JPH3: variants seen among roughly 807,000 people sequenced by gnomAD.
The protein encoded by JPH3 is junctophilin-3.
JPH3 carries 11 observed loss-of-function variants against 59.6 expected under a neutral mutation model. The observed-to-expected ratio is 0.18, with a 90% confidence interval of 0.12 to 0.31. The LOEUF (loss-of-function observed/expected upper bound fraction) is 0.31. Ranked by LOEUF, JPH3 falls within the 10% of genes least tolerant of loss-of-function variation. The pLI, the probability that JPH3 is intolerant of heterozygous loss-of-function variation, is 1.00. For synonymous variants in JPH3, 673 were observed against 483.6 expected (o/e 1.39, Z -5.14); for missense variants, 1,202 against 1,105.7 (o/e 1.09, Z -1.24).
In JPH3 at chr16:87,612,501, G is replaced by C. The variant is rs73251235; in HGVS notation, c.382+8973G>C. ...GTGATTCTAACGTTCAGCGCAGGTT[G>C]AGGACCACTCATCTGGAGCGTCTGT... On this transcript the variant is annotated intron_variant, in intron 1 of 4. Coordinates refer to ENST00000284262, the MANE Select transcript of JPH3 (RefSeq NM_020655.4). Among the ~76,000 whole-genome samples the C allele has an allele frequency of 1.9e-3, 290 of 152,300 alleles. 1 individual carries two copies. The highest frequency in any genetic ancestry group is 6.6e-3 in the African/African-American group (276 of 41,560).
At chr16:87,628,978 G>T (rs2031474119) in intron 1 of JPH3, among the ~76,000 whole-genome samples, 1 of 152,160 alleles carries the variant, frequency 6.6e-6, no homozygotes, top group African/African-American at 2.4e-5. Context: ...TACTGGGTGT[G>T]GGGCTTCCTC....
In JPH3 at chr16:87,644,959, A is replaced by G. The variant is rs1331391862; in HGVS notation, c.1084A>G (p.Lys362Glu). The change falls in exon 2 of 5, where the codon AAG becomes GAG. Residue 362 changes from lysine to glutamate, a missense_variant. Physicochemically the swap from Lys to Glu is moderately conservative, Grantham distance 56. Coordinates refer to ENST00000284262, the MANE Select transcript of JPH3 (RefSeq NM_020655.4). ...CCTGCGGGCCAGCAAGATCCGCGAGAAGGTGGACCGCGCCGTTGAGGCCGC... is the reference window on the plus strand; with the variant it reads ...CCTGCGGGCCAGCAAGATCCGCGAGGAGGTGGACCGCGCCGTTGAGGCCGC... ...IPLRASKIRE[K>E]VDRAVEAAER... 6.2e-7 allele frequency: 1 copy of G among 1,611,432 alleles called. No homozygotes were observed. Among genetic ancestry groups the G allele is most frequent in the Admixed American group, 1.7e-5 (1 of 60,014 alleles).
intron 1 of JPH3, among the ~76,000 whole-genome samples, chr16:87,608,894 C>T (rs908084451): frequency 7.9e-5 from 12 of 152,300 alleles, no homozygotes; most frequent in African/African-American, 2.6e-4. Flanking sequence ...AAAAATTAGC[C>T]AGGTGTGGTG....
intron 2 of JPH3, among the ~76,000 whole-genome samples, chr16:87,655,978 GACTGCTGGGAGTGGGGC>G (rs1483629105): frequency 4.6e-5 from 7 of 152,248 alleles, no homozygotes; most frequent in Non-Finnish European, 8.8e-5. Flanking sequence ...TCCTGAGTGG[GACTGCTGGGAGTGGGGC>G]ACTGCTGCGT....
chr16:87,685,722 C>T (rs1017761576), intron 3 of JPH3, among the ~76,000 whole-genome samples: 6 of 152,354 alleles, frequency 3.9e-5, no homozygotes, highest in South Asian at 2.1e-4. Flanking sequence ...GGCCCATGGT[C>T]GCCTCAGCTC....
intron 2 of JPH3, among the ~76,000 whole-genome samples, chr16:87,648,281 C>T (rs1414028119): frequency 2.0e-5 from 3 of 152,136 alleles, no homozygotes; most frequent in Non-Finnish European, 1.5e-5. Flanking sequence ...GAGTCTGCCG[C>T]CCTGGAGAGT....
At chr16:87,625,077 G>A (rs1265284258) in intron 1 of JPH3, among the ~76,000 whole-genome samples, 2 of 152,224 alleles carry the variant, frequency 1.3e-5, no homozygotes, top group African/African-American at 4.8e-5. Flanking sequence ...GGGATTACAG[G>A]CGTGAGCTGC....
At chr16:87,696,128 C>G (rs1168931203) in intron 4 of JPH3, 1 of 458,336 alleles carries the variant, frequency 2.2e-6, no homozygotes, top group East Asian at 6.9e-5. Context: ...CAGGGCCTCT[C>G]TGCTGGGCTG....
chr16:87,622,074 G>A (rs942018654), intron 1 of JPH3, among the ~76,000 whole-genome samples: 3 of 150,728 alleles, frequency 2.0e-5, no homozygotes, highest in African/African-American at 4.9e-5. Flanking sequence ...GAAGAACGAC[G>A]CAGCCTGGCA....
chr16:87,662,185 G>A (rs892185490), intron 2 of JPH3, among the ~76,000 whole-genome samples: 1 of 152,188 alleles, frequency 6.6e-6, no homozygotes, highest in South Asian at 2.1e-4. Context: ...CGGTCCCAGA[G>A]CCTGGGCTCT....
intron 2 of JPH3, among the ~76,000 whole-genome samples, chr16:87,677,216 ACACACACAC>A (rs1567610754): frequency 2.5e-5 from 3 of 119,226 alleles, no homozygotes; most frequent in Non-Finnish European, 5.0e-5. Context: ...ACACACACAC[ACACACACAC>A]AAAAAAAAAA....
intron 1 of JPH3, among the ~76,000 whole-genome samples, chr16:87,618,143 G>A (rs1003642412): frequency 5.3e-5 from 8 of 152,186 alleles, no homozygotes; most frequent in African/African-American, 9.6e-5. Context: ...TAGCCTGGGC[G>A]ACATAATGAG....
At chr16:87,660,560 C>G (rs939344440) in intron 2 of JPH3, among the ~76,000 whole-genome samples, 2 of 152,194 alleles carry the variant, frequency 1.3e-5, no homozygotes, top group Admixed American at 6.5e-5. Flanking sequence ...GACCAGTACA[C>G]CAGGGTCTGG....
rs2033888148 is a variant in JPH3 at position 87,696,925 on chromosome 16, G to A, written c.*265G>A. ...AGGAGGCCAGCACGCAGCCCCTCCA[G>A]CTCCACGTGGAGACAGAAGGGATCC... On this transcript the variant is annotated 3_prime_UTR_variant, in exon 5 of 5. Coordinates refer to ENST00000284262, the MANE Select transcript of JPH3 (RefSeq NM_020655.4). 1 of 454,584 alleles carries A rather than the reference G, an allele frequency of 2.2e-6. No homozygotes were observed. The highest frequency in any genetic ancestry group is 4.1e-6 in the Non-Finnish European group (1 of 246,050). The allele number at this position is 454,584 out of a possible 1,614,324, so 28.2% of individuals were successfully genotyped here.
chr16:87,684,382 A>AGCT (rs1365648119), intron 3 of JPH3, 116 bp downstream of exon 3: 12 of 1,451,534 alleles, frequency 8.3e-6, no homozygotes, highest in Non-Finnish European at 1.1e-5. Context: ...GCTCAGCCCC[A>AGCT]GCTGCTCCCC....
intron 1 of JPH3, among the ~76,000 whole-genome samples, chr16:87,624,033 G>T (rs971476668): frequency 6.6e-6 from 1 of 152,214 alleles, no homozygotes; most frequent in Non-Finnish European, 1.5e-5. Flanking sequence ...GCCCTCCCCA[G>T]GGCTGAGGCT....
chr16:87,670,821 G>A (rs1021536349), intron 2 of JPH3, among the ~76,000 whole-genome samples: 4 of 152,214 alleles, frequency 2.6e-5, no homozygotes, highest in East Asian at 3.9e-4. Flanking sequence ...TGGTGTGGAC[G>A]TGGTAGAGAT....
intron 3 of JPH3, among the ~76,000 whole-genome samples, chr16:87,685,111 G>C (rs1015503502): frequency 6.6e-6 from 1 of 152,236 alleles, no homozygotes; most frequent in African/African-American, 2.4e-5. Context: ...CTGGCCACCA[G>C]GACAGGATGA....
rs71156237 is a variant in JPH3, at chr16:87,604,287, C to CCTGCTG, written c.382+796_382+801dup. On this transcript the variant is annotated intron_variant, in intron 1 of 4. Coordinates refer to ENST00000284262, the MANE Select transcript of JPH3 (RefSeq NM_020655.4). ...GCCGGGGCCGGAAGCCAGGGAGCTG[C>CCTGCTG]CTGCTGCTGCTGCTGCTGCTGCTGC... is the stretch of plus-strand genomic sequence containing the variant. The CCTGCTG allele has an allele frequency of 0.27, 383,016 of 1,424,918 alleles. 23,841 individuals are homozygous for CCTGCTG. The highest frequency in any genetic ancestry group is 0.32 in the Middle Eastern group (1,729 of 5,334). 88.3% of individuals were successfully genotyped at this position (1,424,918 alleles called of 1,614,324 possible).
Sources: gnomAD v4.1 joint callset for allele counts (sites outside exome capture counted in the v4.1 genomes callset) on GRCh38, gnomAD v4.1.1 for gene constraint, MANE v1.5 for transcripts, NCBI Gene and HGNC (gene_info 2026-07-23, HGNC 2026-07-21) for gene names.